The following DOK6 variants were observed in gnomAD, a reference collection of about 807,000 sequenced individuals.
DOK6 encodes the protein docking protein 6, also known as downstream of tyrosine kinase 6.
Under a neutral mutation model 44.0 loss-of-function variants are expected in DOK6, and 22 were observed. The ratio of observed to expected loss-of-function variants is 0.50; its 90% confidence interval spans 0.36 to 0.71. The LOEUF is 0.71. Among genes scored for constraint, DOK6 ranks in the 30% least tolerant of loss-of-function variants. The probability of loss-of-function intolerance (pLI) is 0.00; values close to 1 mark genes in which losing one functional copy is unlikely to be tolerated. For synonymous variants in DOK6, 166 were observed against 145.5 expected, an observed-to-expected ratio of 1.14 and a Z score of -1.01; for missense variants, 340 against 416.4, an observed-to-expected ratio of 0.82 and a Z score of 1.60.
intron 6 of DOK6, among the ~76,000 whole-genome samples, chr18:69,751,336 A>T (rs1403691404): frequency 9.4e-5 from 5 of 53,370 alleles, no homozygotes; most frequent in Non-Finnish European, 2.2e-4. Flanking sequence ...ATAAATTATA[A>T]TATGTGCCCC....
chr18:69,745,282 G>C (rs907926862), intron 6 of DOK6, among the ~76,000 whole-genome samples: 4 of 152,106 alleles, frequency 2.6e-5, no homozygotes, highest in Admixed American at 1.3e-4. Flanking sequence ...AAAAAATACA[G>C]TTTTGATTCT....
intron 7 of DOK6, among the ~76,000 whole-genome samples, chr18:69,773,920 C>A (rs1358505208): frequency 1.3e-5 from 2 of 150,482 alleles, no homozygotes; most frequent in East Asian, 2.0e-4. Flanking sequence ...GGGTACCTAC[C>A]CAGAGGAAAA....
intron 3 of DOK6, among the ~76,000 whole-genome samples, chr18:69,617,738 G>A (rs1180333201): frequency 8.0e-5 from 4 of 49,838 alleles, no homozygotes; most frequent in Non-Finnish European, 1.2e-4. Context: ...AAGGGGGAAG[G>A]AGGGAAGGAA....
intron 2 of DOK6, among the ~76,000 whole-genome samples, chr18:69,584,042 A>G (rs928936400): frequency 2.1e-5 from 3 of 143,408 alleles, no homozygotes; most frequent in African/African-American, 7.7e-5. Context: ...CGGGAGGCGG[A>G]GCTTGCAGTG....
At chr18:69,600,674 T>TA (rs916821931) in intron 3 of DOK6, among the ~76,000 whole-genome samples, 15 of 151,558 alleles carry the variant, frequency 9.9e-5, no homozygotes, top group South Asian at 6.3e-4. Flanking sequence ...AACTAGTATT[T>TA]AAAAAAAAAC....
chr18:69,599,563 C>G, intron 3 of DOK6, 65 bp downstream of exon 3: 1 of 1,322,716 alleles, frequency 7.6e-7, no homozygotes, highest in East Asian at 2.4e-5. Flanking sequence ...ATGGCCCAGG[C>G]GGATTAAGGT....
intron 1 of DOK6, among the ~76,000 whole-genome samples, chr18:69,426,737 C>T (rs1978647479): frequency 6.6e-6 from 1 of 152,172 alleles, no homozygotes; most frequent in African/African-American, 2.4e-5. Flanking sequence ...ATATGTGTCA[C>T]ATTTTGACTA....
At chr18:69,707,885 G>A (rs1295789289) in intron 5 of DOK6, among the ~76,000 whole-genome samples, 1 of 152,136 alleles carries the variant, frequency 6.6e-6, no homozygotes, top group Admixed American at 6.5e-5. Flanking sequence ...TGAAGAAGAT[G>A]ATTTGCACGG....
At position 69,847,000 on chromosome 18, in the gene DOK6, A is replaced by G. The variant is rs1407653105; in HGVS notation, c.*5617A>G. The G allele has an allele frequency of 6.6e-6, 1 of 152,200 alleles. No homozygotes were observed. The highest frequency in any genetic ancestry group is 1.5e-5 in the Non-Finnish European group (1 of 68,038). 9.4% of individuals were successfully genotyped at this position (152,200 alleles called of 1,614,324 possible). On this transcript the variant is annotated 3_prime_UTR_variant, in exon 8 of 8. Transcript: ENST00000382713. ...CTAAATAATATGAAAACCACATTAT[A>G]CTTGTAATTTTCAGACACTTTTCTC...
intron 3 of DOK6, among the ~76,000 whole-genome samples, chr18:69,632,144 A>T (rs1390358598): frequency 1.3e-5 from 2 of 152,214 alleles, no homozygotes; most frequent in African/African-American, 4.8e-5. Flanking sequence ...AAAACAGTAT[A>T]AAAACTTGGT....
intron 1 of DOK6, among the ~76,000 whole-genome samples, chr18:69,431,090 T>G (rs1978795030): frequency 6.6e-6 from 1 of 152,170 alleles, no homozygotes; most frequent in African/African-American, 2.4e-5. Context: ...TGAAGGACAC[T>G]GCACAGCAGA....
At chr18:69,700,023 C>T (rs1043107111) in intron 5 of DOK6, among the ~76,000 whole-genome samples, 1 of 151,698 alleles carries the variant, frequency 6.6e-6, no homozygotes, top group African/African-American at 2.4e-5. Context: ...AGGGGTTTCC[C>T]CTTATCAAAA....
chr18:69,409,356 G>A (rs1978297175), intron 1 of DOK6, among the ~76,000 whole-genome samples: 2 of 152,074 alleles, frequency 1.3e-5, no homozygotes, highest in South Asian at 2.1e-4. Flanking sequence ...TTTTCCTAAC[G>A]ATTTTTCCAT....
chr18:69,505,949 C>A (rs2144552005), intron 1 of DOK6, among the ~76,000 whole-genome samples: 1 of 151,084 alleles, frequency 6.6e-6, no homozygotes, highest in East Asian at 2.0e-4. Context: ...TACCCATATG[C>A]TTTTTTTTTC....
chr18:69,759,512 T>C (rs1368932900), intron 7 of DOK6, among the ~76,000 whole-genome samples: 3 of 152,032 alleles, frequency 2.0e-5, no homozygotes, highest in African/African-American at 7.2e-5. Context: ...TAACTCTAGT[T>C]TTTGTCAAGG....
chr18:69,551,735 G>C (rs1034582007), intron 1 of DOK6, among the ~76,000 whole-genome samples: 1 of 152,074 alleles, frequency 6.6e-6, no homozygotes, highest in African/African-American at 2.4e-5. Context: ...GTGGCTTTTA[G>C]GAAATTCATA....
At chr18:69,585,809 C>T (rs1983486471) in intron 2 of DOK6, among the ~76,000 whole-genome samples, 1 of 152,224 alleles carries the variant, frequency 6.6e-6, no homozygotes, top group South Asian at 2.1e-4. Flanking sequence ...AATGTCATCA[C>T]ATGCAAGCAG....
intron 1 of DOK6, among the ~76,000 whole-genome samples, chr18:69,470,618 C>T (rs1980071877): frequency 7.0e-6 from 1 of 142,118 alleles, no homozygotes. Context: ...CCCCTTTCTT[C>T]CCCACCCTGA....
chr18:69,412,918 G>C, intron 1 of DOK6, among the ~76,000 whole-genome samples: 1 of 152,120 alleles, frequency 6.6e-6, no homozygotes, highest in South Asian at 2.1e-4. Flanking sequence ...AGGCAATTCA[G>C]TGGAGGAATC....
Sources: gnomAD v4.1 joint callset for allele counts (sites outside exome capture counted in the v4.1 genomes callset) on GRCh38, gnomAD v4.1.1 for gene constraint, MANE v1.5 for transcripts, NCBI Gene and HGNC (gene_info 2026-07-23, HGNC 2026-07-21) for gene names.